Variants in ATP11C observed in about 807,000 individuals in gnomAD.
ATP11C encodes phospholipid-transporting ATPase IG.
In ATP11C, 36 loss-of-function variants were observed where a neutral mutation model predicts 97.4. The ratio of observed to expected loss-of-function variants is 0.37; its 90% confidence interval spans 0.28 to 0.49. The LOEUF (loss-of-function observed/expected upper bound fraction) is 0.49. ATP11C is among the 20% of genes least tolerant of loss of function. The pLI is 0.98. For missense variants in ATP11C, 730 were observed against 824.6 expected (o/e 0.89, Z 1.40); for synonymous variants, 275 against 290.9 (o/e 0.95, Z 0.56).
At chrX:139,735,814 T>G (rs147038228) in intron 28 of ATP11C, among the ~76,000 whole-genome samples, 2,583 of 110,326 alleles carry the variant, frequency 0.023, 25 homozygotes, top group Middle Eastern at 0.042. Flanking sequence ...GCCCACAACA[T>G]TTTGCCTCAT....
At chrX:139,775,590 G>T (rs2082331691) in intron 18 of ATP11C, among the ~76,000 whole-genome samples, 1 of 112,726 alleles carries the variant, frequency 8.9e-6, no homozygotes, top group Admixed American at 9.3e-5. Flanking sequence ...GTCTGGCAGA[G>T]ACTGTCCCTT....
chrX:139,785,262 G>A lies in ATP11C; in HGVS notation c.1630C>T (p.Arg544Trp), dbSNP rs758140991. 5.0e-6 allele frequency: 6 copies of A among 1,207,813 alleles called. No individual in the cohort carries two copies. The highest frequency in any genetic ancestry group is 6.7e-6 in the Non-Finnish European group (6 of 893,279). The change falls in exon 16 of 30, where the codon CGG becomes TGG. Residue 544 changes from arginine (R) to tryptophan (W), a missense_variant. Transcript: ENST00000682941. Reference protein sequence around the residue: ...LLHTLNFDAVRRRMSVIVKTQ... With the variant: ...LLHTLNFDAVWRRMSVIVKTQ... ...TTCACAATTACACTCATACGTCGCC[G>A]GACAGCATCAAAGTTTAAGGTGTGA...
intron 1 of ATP11C, among the ~76,000 whole-genome samples, chrX:139,914,810 G>A (rs2085129780): frequency 8.9e-6 from 1 of 111,827 alleles, no homozygotes; most frequent in Non-Finnish European, 1.9e-5. Context: ...CTTGCAGACT[G>A]CAGATCTTGG....
chrX:139,802,198 C>T, intron 7 of ATP11C, 38 bp downstream of exon 7: 1 of 993,061 alleles, frequency 1.0e-6, no homozygotes, highest in Non-Finnish European at 1.4e-6. Context: ...GAAGCAGAGC[C>T]AACAAACAGA....
chrX:139,797,265 T>C lies in ATP11C; in HGVS notation c.919A>G (p.Thr307Ala). Residue 307 changes from threonine to alanine, a missense_variant, in exon 11 of 30, where the codon ACT (threonine) becomes GCT (alanine). Coordinates refer to ENST00000682941, the MANE Select transcript of ATP11C (RefSeq NM_001353812.2). ...CTTTGCCAAACATACTTTAGAGTAG[T>C]GCATACTGCAGCTTTGGTCAGTAAG... ...FILLTKAAVC[T>A]TLKYVWQSTP... The C allele has an allele frequency of 8.4e-7, 1 of 1,188,371 alleles. No homozygotes were observed.
At position 139,893,939 on chromosome X, in the gene ATP11C, T is replaced by G. The variant is rs752022597; in HGVS notation, c.27+38077A>C. Among the ~76,000 whole-genome samples, 221 of 110,412 alleles carry G rather than the reference T, an allele frequency of 2.0e-3. 1 individual carries two copies. Among genetic ancestry groups the G allele is most frequent in the African/African-American group, 7.0e-3 (214 of 30,356 alleles). ...CTTAACTCTTTCCAATGAGCTCATA[T>G]ATATAGCCCAACAGAAAATCTGCTC... On this transcript the variant is annotated intron_variant, in intron 1 of 29. Coordinates refer to ENST00000682941, the MANE Select transcript of ATP11C (RefSeq NM_001353812.2).
intron 1 of ATP11C, among the ~76,000 whole-genome samples, chrX:139,914,076 TG>T (rs2085118685): frequency 8.9e-6 from 1 of 111,820 alleles, no homozygotes; most frequent in Non-Finnish European, 1.9e-5. Flanking sequence ...ATTATAAAGC[TG>T]GGAAATAACT....
intron 1 of ATP11C, among the ~76,000 whole-genome samples, chrX:139,846,672 T>A (rs1253625347): frequency 1.8e-5 from 2 of 111,452 alleles, no homozygotes; most frequent in Non-Finnish European, 3.8e-5. Context: ...AGAAACATAA[T>A]CATAGATCAT....
chrX:139,870,938 C>G (rs1046645701), intron 1 of ATP11C, among the ~76,000 whole-genome samples: 2 of 107,644 alleles, frequency 1.9e-5, no homozygotes, highest in Non-Finnish European at 3.8e-5. Flanking sequence ...CGCCTGTAGT[C>G]CCAGCTACTC....
intron 19 of ATP11C, among the ~76,000 whole-genome samples, chrX:139,772,984 G>A (rs908758668): frequency 4.5e-5 from 5 of 110,488 alleles, no homozygotes; most frequent in African/African-American, 1.7e-4. Flanking sequence ...ATATGATTTG[G>A]TTGTGTCCCC....
chrX:139,879,383 G>A (rs2084527493), intron 1 of ATP11C, among the ~76,000 whole-genome samples: 1 of 110,080 alleles, frequency 9.1e-6, no homozygotes, highest in Admixed American at 9.7e-5. Context: ...CAAAATGAAT[G>A]AACCTAGAGG....
chrX:139,790,733 G>T (rs1045013989), intron 12 of ATP11C, among the ~76,000 whole-genome samples: 1 of 111,465 alleles, frequency 9.0e-6, no homozygotes, highest in Non-Finnish European at 1.9e-5. Flanking sequence ...TAGGTCAGTA[G>T]TGATCAAAAC....
intron 1 of ATP11C, among the ~76,000 whole-genome samples, chrX:139,896,052 C>A (rs1372801221): frequency 9.0e-6 from 1 of 111,476 alleles, no homozygotes; most frequent in Non-Finnish European, 1.9e-5. Flanking sequence ...CTGTATATTT[C>A]ATTCTGCTGA....
At chrX:139,895,335 G>A (rs994258807) in intron 1 of ATP11C, among the ~76,000 whole-genome samples, 1 of 111,081 alleles carries the variant, frequency 9.0e-6, no homozygotes, top group African/African-American at 3.3e-5. Flanking sequence ...GCAGTGGCAC[G>A]ATCTCAGTCA....
chrX:139,735,533 A>G (rs971144195), intron 28 of ATP11C, among the ~76,000 whole-genome samples: 12 of 112,039 alleles, frequency 1.1e-4, no homozygotes, highest in Non-Finnish European at 2.1e-4. Flanking sequence ...AATACAGAAC[A>G]AAGTAGGAAA....
chrX:139,866,741 G>T lies in ATP11C; in HGVS notation c.28-39918C>A, dbSNP rs1171980647. ...TTCAAAAACAAACAAAAAAAAAGAC[G>T]CCGGAAGAATCTGAAGTCTAACAGT... On this transcript the variant is annotated intron_variant, in intron 1 of 29. Transcript: ENST00000682941. Among the ~76,000 whole-genome samples the T allele has an allele frequency of 2.7e-5, 3 of 109,860 alleles. 1 individual carries two copies. In the Admixed American group the frequency reaches 2.9e-4, roughly 11 times the overall value.
chrX:139,785,193 A>G lies in ATP11C; in HGVS notation c.1666+33T>C, dbSNP rs186762026. 2.9e-4 allele frequency: 325 copies of G among 1,105,162 alleles called. 1 individual carries two copies. The East Asian group carries it at 8.0e-3, about 27-fold the overall frequency. 91.1% of individuals were successfully genotyped at this position (1,105,162 alleles called of 1,213,427 possible). ...TCAACCAATAAGCCTACAAATCAAC[A>G]AAGAGAAAAATTCAAGCTTTTCAGA... On this transcript the variant is annotated intron_variant, in intron 16 of 29. Coordinates refer to ENST00000682941, the MANE Select transcript of ATP11C (RefSeq NM_001353812.2).
intron 1 of ATP11C, among the ~76,000 whole-genome samples, chrX:139,866,491 G>A (rs1221288471): frequency 9.1e-6 from 1 of 109,669 alleles, no homozygotes; most frequent in Non-Finnish European, 1.9e-5. Context: ...GCCAAGGTGG[G>A]CCGATCGCTT....
Position 139,798,692 on chromosome X carries a change from G to C in ATP11C, c.762C>G (p.Thr254=). Residue 254 remains threonine (T), a synonymous_variant, in exon 9 of 30, where the codon ACC becomes ACG. Transcript: ENST00000682941. ...AAAATTGTTCACCATATATCTTCTCGGTATTTTTTAGCGTAGCTCCTTTCA... is the reference window on the plus strand; with the variant it reads ...AAAATTGTTCACCATATATCTTCTCCGTATTTTTTAGCGTAGCTCCTTTCA... ...LLLKGATLKN[T]EKIYGVAVYT... is the part of the protein sequence containing the mutation. The C allele has an allele frequency of 1.7e-6, 2 of 1,199,293 alleles. No homozygotes were observed. Among genetic ancestry groups the C allele is most frequent in the Non-Finnish European group, 2.3e-6 (2 of 887,093 alleles).
Sources: allele counts gnomAD v4.1 joint callset (sites outside exome capture counted in the v4.1 genomes callset), GRCh38; gene constraint gnomAD v4.1.1; transcripts MANE v1.5; gene names NCBI Gene and HGNC (gene_info 2026-07-23, HGNC 2026-07-21).